Variants in WDR35 observed in about 807,000 individuals in gnomAD.
The protein encoded by WDR35 is WD repeat-containing protein 35.
WDR35 carries 118 observed loss-of-function variants against 158.3 expected under a neutral mutation model. The ratio of observed to expected loss-of-function variants is 0.75; its 90% CI spans 0.64 to 0.87. The LOEUF (loss-of-function observed/expected upper bound fraction) is 0.87. Ranked by LOEUF, WDR35 falls within the 40% of genes least tolerant of loss-of-function variation. The pLI is 0.00. For synonymous variants in WDR35, 448 were observed against 476.1 expected (o/e 0.94, Z 0.77); for missense variants, 1,263 against 1,405.8 (o/e 0.90, Z 1.62).
chr2:19,973,444 T>C (rs1024123088), intron 8 of WDR35, 119 bp downstream of exon 8: 1 of 1,187,880 alleles, frequency 8.4e-7, no homozygotes, highest in Non-Finnish European at 1.2e-6. Flanking sequence ...ACTATGAAGA[T>C]GAAATGTCCC....
intron 4 of WDR35, 97 bp from the exon 5 acceptor site, chr2:19,978,976 C>T: frequency 6.9e-7 from 1 of 1,455,962 alleles, no homozygotes; most frequent in Non-Finnish European, 9.4e-7. Flanking sequence ...CGCCATGGGA[C>T]AAATAACTGC....
At position 19,937,854 on chromosome 2, in the gene WDR35, A is replaced by G; in HGVS notation, c.2156T>C (p.Phe719Ser). 1 of 1,614,142 alleles carries G rather than the reference A, an allele frequency of 6.2e-7. No individual in the cohort carries two copies. The highest frequency in any genetic ancestry group is 8.5e-7 in the Non-Finnish European group (1 of 1,180,008). The change falls in exon 19 of 27, where the codon TTT (phenylalanine) becomes TCT (serine). Residue 719 changes from phenylalanine (F) to serine (S), a missense_variant. By Grantham distance (155) the Phe-to-Ser change is radical (BLOSUM62 -2). Coordinates refer to ENST00000281405, the MANE Select transcript of WDR35 (RefSeq NM_020779.4). ...VRCKDYQGIKFVKRLGKLLSE... is the reference protein window; with the variant it reads ...VRCKDYQGIKSVKRLGKLLSE... ...CAGTAGTTTGCCCAAGCGCTTCACAAACTTAATGCCTTGGTAATCTTTGCA... is the reference window on the plus strand; with the variant it reads ...CAGTAGTTTGCCCAAGCGCTTCACAGACTTAATGCCTTGGTAATCTTTGCA...
At position 19,912,160 on chromosome 2, in the gene WDR35, T is replaced by A. The variant is rs1669858935; in HGVS notation, c.*1398A>T. The A allele has an allele frequency of 6.6e-6, 1 of 152,250 alleles. No individual in the cohort carries two copies. The highest frequency in any genetic ancestry group is 1.5e-5 in the Non-Finnish European group (1 of 68,044). 9.4% of individuals were successfully genotyped at this position (152,250 alleles called of 1,614,324 possible). A position where few individuals can be genotyped will look rare whatever the true frequency, so the allele number is the denominator to read the frequency against. ...CCACTGGCACGTTACACTAACAGTG[T>A]TAATCTATCATTGCTTTCTCCTTGT... On this transcript the variant is annotated 3_prime_UTR_variant, in exon 27 of 27. Transcript: ENST00000281405.
intron 25 of WDR35, among the ~76,000 whole-genome samples, chr2:19,929,426 A>G (rs1015774925): frequency 6.6e-6 from 1 of 152,204 alleles, no homozygotes; most frequent in African/African-American, 2.4e-5. Flanking sequence ...GATGTCACCA[A>G]TATGACAGAG....
intron 25 of WDR35, among the ~76,000 whole-genome samples, chr2:19,918,000 G>A (rs895271322): frequency 1.2e-4 from 18 of 152,068 alleles, no homozygotes; most frequent in African/African-American, 4.3e-4. Flanking sequence ...GAGAAAGGTC[G>A]GGCTACCCAC....
At chr2:19,935,647 C>T (rs768424616) in intron 20 of WDR35, 44 bp from the exon 21 acceptor site, 1 of 1,599,602 alleles carries the variant, frequency 6.3e-7, no homozygotes, top group African/African-American at 1.3e-5. Context: ...TAATGTGAAT[C>T]TCCTGATAAA....
chr2:19,922,182 C>G (rs1164099711), intron 25 of WDR35, among the ~76,000 whole-genome samples: 1 of 152,154 alleles, frequency 6.6e-6, no homozygotes, highest in Non-Finnish European at 1.5e-5. Flanking sequence ...GGATCTAGAA[C>G]TAGAAATACC....
intron 11 of WDR35, among the ~76,000 whole-genome samples, chr2:19,959,583 T>G (rs1192605671): frequency 2.0e-5 from 3 of 152,030 alleles, no homozygotes; most frequent in Non-Finnish European, 4.4e-5. Flanking sequence ...GAGTAGGTTA[T>G]CAAGACCCTA....
At chr2:19,923,824 T>G (rs531767045) in intron 25 of WDR35, among the ~76,000 whole-genome samples, 2 of 152,210 alleles carry the variant, frequency 1.3e-5, no homozygotes, top group Non-Finnish European at 2.9e-5. Flanking sequence ...TCCTTTTAAA[T>G]TGCTCAAAGA....
At chr2:19,915,683 T>C (rs1162742903) in intron 25 of WDR35, among the ~76,000 whole-genome samples, 1 of 151,782 alleles carries the variant, frequency 6.6e-6, no homozygotes, top group Non-Finnish European at 1.5e-5. Context: ...TACAACCTCA[T>C]TAATGACAAC....
chr2:19,974,093 G>A (rs1412832634), intron 7 of WDR35, among the ~76,000 whole-genome samples: 21 of 147,872 alleles, frequency 1.4e-4, no homozygotes, highest in African/African-American at 2.5e-4. Flanking sequence ...GCAAGACCCT[G>A]TCGCAAAAAA....
chr2:19,988,688 GA>G (rs1672649620), intron 2 of WDR35, among the ~76,000 whole-genome samples: 1 of 152,130 alleles, frequency 6.6e-6, no homozygotes, highest in South Asian at 2.1e-4. Context: ...ACTAGATAAA[GA>G]AAGAAATCAA....
chr2:19,948,696 A>G (rs907400031), intron 13 of WDR35, among the ~76,000 whole-genome samples: 1 of 152,254 alleles, frequency 6.6e-6, no homozygotes, highest in East Asian at 1.9e-4. Flanking sequence ...TCAAAAGGTG[A>G]CATACTATAT....
intron 10 of WDR35, among the ~76,000 whole-genome samples, chr2:19,964,976 T>C (rs973627357): frequency 2.6e-5 from 4 of 151,862 alleles, no homozygotes. Context: ...CAGGTTGGAG[T>C]GCAATGGCAC....
At chr2:19,950,690 G>A (rs978090490) in intron 13 of WDR35, among the ~76,000 whole-genome samples, 1 of 152,124 alleles carries the variant, frequency 6.6e-6, no homozygotes, top group African/African-American at 2.4e-5. Context: ...TGAAAAAAAT[G>A]GATGGATATG....
chr2:19,969,350 A>C, intron 9 of WDR35, 130 bp downstream of exon 9: 1 of 989,778 alleles, frequency 1.0e-6, no homozygotes, highest in Non-Finnish European at 1.5e-6. Context: ...TACTAGTTCT[A>C]AAATCTTCAC....
At chr2:19,983,091 G>T (rs1466397516) in intron 2 of WDR35, among the ~76,000 whole-genome samples, 1 of 152,162 alleles carries the variant, frequency 6.6e-6, no homozygotes, top group Admixed American at 6.5e-5. Context: ...ACACATAAAT[G>T]TAACTATAAA....
At chr2:19,985,947 C>G (rs11688098) in intron 2 of WDR35, among the ~76,000 whole-genome samples, 31,871 of 143,404 alleles carry the variant, frequency 0.22, 3,831 homozygotes, top group Non-Finnish European at 0.26. Flanking sequence ...GCTAGAGTGT[C>G]AAGAACGACT....
chr2:19,960,433 A>C (rs1302114605), intron 11 of WDR35, 121 bp downstream of exon 11: 2 of 770,220 alleles, frequency 2.6e-6, no homozygotes, highest in Non-Finnish European at 4.3e-6. Flanking sequence ...CAAAGTAGGA[A>C]GTATGGTCAT....
Sources: allele counts gnomAD v4.1 joint callset (sites outside exome capture counted in the v4.1 genomes callset), GRCh38; gene constraint gnomAD v4.1.1; transcripts MANE v1.5; gene names NCBI Gene and HGNC (gene_info 2026-07-23, HGNC 2026-07-21).